The following DYNC1I1 variants were observed in gnomAD, a reference collection of about 807,000 sequenced individuals.
DYNC1I1 encodes the protein cytoplasmic dynein 1 intermediate chain 1.
DYNC1I1 carries 43 observed loss-of-function variants against 86.6 expected under a neutral mutation model. That is an observed-to-expected ratio of 0.50 (90% CI 0.39 to 0.64). The LOEUF (loss-of-function observed/expected upper bound fraction) is 0.64, where lower values mean the gene tolerates loss of function less well. Among genes scored for constraint, DYNC1I1 ranks in the 30% least tolerant of loss-of-function variants. The probability of loss-of-function intolerance (pLI) is 0.00; values close to 1 mark genes in which losing one functional copy is unlikely to be tolerated. For missense variants in DYNC1I1, 604 were observed against 788.8 expected (o/e 0.77, Z 2.81); for synonymous variants, 262 against 283.7 (o/e 0.92, Z 0.77).
intron 14 of DYNC1I1, among the ~76,000 whole-genome samples, chr7:96,063,427 A>C (rs1427922260): frequency 6.6e-6 from 1 of 152,166 alleles, no homozygotes; most frequent in African/African-American, 2.4e-5. Flanking sequence ...CTGCCATAAC[A>C]AACTACCACA....
chr7:96,099,316 CT>C (rs1345111528), downstream of DYNC1I1, among the ~76,000 whole-genome samples: 1 of 152,210 alleles, frequency 6.6e-6, no homozygotes, highest in African/African-American at 2.4e-5. Flanking sequence ...GTTCCCAATT[CT>C]TGTGCAGGCC....
At chr7:95,847,048 A>G (rs536980208) in intron 5 of DYNC1I1, among the ~76,000 whole-genome samples, 1 of 152,314 alleles carries the variant, frequency 6.6e-6, no homozygotes, top group South Asian at 2.1e-4. Flanking sequence ...GCATTTTGTT[A>G]ACCCCAAAGA....
At chr7:96,038,998 A>T (rs139832039) in intron 13 of DYNC1I1, among the ~76,000 whole-genome samples, 10 of 152,352 alleles carry the variant, frequency 6.6e-5, no homozygotes, top group African/African-American at 2.2e-4. Flanking sequence ...GCTTTGAGGA[A>T]TTCTGCAAAA....
At chr7:95,854,075 T>C (rs1368721832) in intron 5 of DYNC1I1, among the ~76,000 whole-genome samples, 1 of 152,346 alleles carries the variant, frequency 6.6e-6, no homozygotes, top group East Asian at 1.9e-4. Flanking sequence ...GTAGGCAGCG[T>C]ATTTTTTATC....
chr7:95,932,126 A>G (rs935938779), intron 6 of DYNC1I1, among the ~76,000 whole-genome samples: 9 of 152,136 alleles, frequency 5.9e-5, no homozygotes, highest in African/African-American at 2.2e-4. Flanking sequence ...TCTCTACCTC[A>G]TTCTGTTTAG....
intron 10 of DYNC1I1, among the ~76,000 whole-genome samples, chr7:96,010,017 G>A (rs1373463112): frequency 6.6e-6 from 1 of 152,048 alleles, no homozygotes; most frequent in Non-Finnish European, 1.5e-5. Flanking sequence ...GACCTCAGGT[G>A]ATCCACCCGT....
At chr7:95,972,005 G>C (rs1156360368) in intron 6 of DYNC1I1, among the ~76,000 whole-genome samples, 1 of 152,134 alleles carries the variant, frequency 6.6e-6, no homozygotes, top group Non-Finnish European at 1.5e-5. Flanking sequence ...CAGGAGCTCA[G>C]ATCCTCTTAT....
At chr7:95,850,020 T>A (rs1202865019) in intron 5 of DYNC1I1, among the ~76,000 whole-genome samples, 3 of 152,214 alleles carry the variant, frequency 2.0e-5, no homozygotes, top group Non-Finnish European at 2.9e-5. Flanking sequence ...TCACTGTTAG[T>A]GTGTAGAAAT....
At chr7:95,782,312 G>A (rs188659602) in intron 1 of DYNC1I1, among the ~76,000 whole-genome samples, 3 of 152,322 alleles carry the variant, frequency 2.0e-5, no homozygotes, top group Admixed American at 2.0e-4. Context: ...CATGAAGTCT[G>A]CCTATTCCTG....
Position 95,804,115 on chromosome 7 carries a change from A to C in DYNC1I1, c.-9-606A>C, listed in dbSNP as rs1190970844. 8 of 189,866 alleles carry C rather than the reference A, an allele frequency of 4.2e-5. No individual in the cohort carries two copies. In the East Asian group the frequency reaches 1.2e-3, roughly 29 times the overall value. The allele number at this position is 189,866 out of a possible 1,614,324, so 11.8% of individuals were successfully genotyped here. A position where few individuals can be genotyped will look rare whatever the true frequency, so the allele number is the denominator to read the frequency against. ...TTATAGAAATAGGGTTGTGTTAGAG[A>C]TGAAATTAACTGTGACACTTCAGGA... On this transcript the variant is annotated intron_variant, in intron 1 of 16. Coordinates refer to ENST00000447467, the MANE Select transcript of DYNC1I1 (RefSeq NM_001135556.2).
chr7:95,961,135 C>T (rs1792856554), intron 6 of DYNC1I1, among the ~76,000 whole-genome samples: 1 of 152,174 alleles, frequency 6.6e-6, no homozygotes, highest in African/African-American at 2.4e-5. Flanking sequence ...AGGTAATCCT[C>T]TGCCTAGACA....
At chr7:96,009,100 C>G (rs779824212) in intron 10 of DYNC1I1, among the ~76,000 whole-genome samples, 8 of 152,178 alleles carry the variant, frequency 5.3e-5, no homozygotes, top group Non-Finnish European at 4.4e-5. Context: ...CCACAGCACA[C>G]TGGTTTTTAA....
intron 10 of DYNC1I1, among the ~76,000 whole-genome samples, chr7:96,013,019 T>C (rs1425010473): frequency 6.6e-6 from 1 of 152,114 alleles, no homozygotes; most frequent in African/African-American, 2.4e-5. Context: ...TAGGGTATAG[T>C]GTACACTGCT....
chr7:95,834,098 G>A (rs1789002760), intron 5 of DYNC1I1, among the ~76,000 whole-genome samples: 1 of 56,908 alleles, frequency 1.8e-5, no homozygotes, highest in Non-Finnish European at 3.1e-5. Flanking sequence ...TATGATATTG[G>A]CTGTGGGTTT....
chr7:95,828,496 A>C (rs1795252012), intron 5 of DYNC1I1, among the ~76,000 whole-genome samples: 1 of 152,174 alleles, frequency 6.6e-6, no homozygotes, highest in Non-Finnish European at 1.5e-5. Context: ...ACTTTGGTCT[A>C]AGATCAGTAT....
intron 6 of DYNC1I1, among the ~76,000 whole-genome samples, chr7:95,884,066 A>T (rs866931849): frequency 6.6e-5 from 10 of 152,228 alleles, no homozygotes; most frequent in African/African-American, 2.4e-4. Flanking sequence ...ATCTTTGATG[A>T]TAATGATAGG....
chr7:95,786,968 C>T (rs547521750), intron 1 of DYNC1I1, among the ~76,000 whole-genome samples: 9 of 152,272 alleles, frequency 5.9e-5, no homozygotes, highest in Admixed American at 1.3e-4. Context: ...CTGTAGTCAG[C>T]TATCATACTG....
chr7:96,006,270 G>A (rs150409189), intron 10 of DYNC1I1, among the ~76,000 whole-genome samples: 2 of 152,128 alleles, frequency 1.3e-5, no homozygotes, highest in East Asian at 3.9e-4. Context: ...GGGAAGATGC[G>A]AGCATTCGAG....
At chr7:95,901,318 C>G (rs10250991) in intron 6 of DYNC1I1, among the ~76,000 whole-genome samples, 22,325 of 152,182 alleles carry the variant, frequency 0.15, 1,800 homozygotes, top group Middle Eastern at 0.24. Context: ...TTTCCTGGAG[C>G]CTGAGGCATA....
Sources: gnomAD v4.1 joint callset for allele counts (sites outside exome capture counted in the v4.1 genomes callset) on GRCh38, gnomAD v4.1.1 for gene constraint, MANE v1.5 for transcripts, NCBI Gene and HGNC (gene_info 2026-07-23, HGNC 2026-07-21) for gene names.